ASXL2: variants seen among roughly 807,000 people sequenced by gnomAD.
ASXL2 encodes putative Polycomb group protein ASXL2.
A neutral mutation model predicts 122.0 loss-of-function variants in ASXL2; 23 were observed. The observed-to-expected ratio is 0.19, with a 90% CI of 0.14 to 0.27. The LOEUF (loss-of-function observed/expected upper bound fraction) is 0.27, where lower values mean the gene tolerates loss of function less well. Among genes scored for constraint, ASXL2 ranks in the 10% least tolerant of loss-of-function variants. ASXL2 has a pLI of 1.00. For missense variants in ASXL2, 1,518 were observed against 1,713.8 expected (o/e 0.89, Z 2.02); for synonymous variants, 650 against 637.0 (o/e 1.02, Z -0.31).
intron 2 of ASXL2, among the ~76,000 whole-genome samples, chr2:25,837,690 A>C (rs1330534343): frequency 6.6e-6 from 1 of 152,062 alleles, no homozygotes; most frequent in Non-Finnish European, 1.5e-5. Context: ...TCTCTACAAA[A>C]AATTTAAAAA....
chr2:25,862,666 C>G (rs376333307), intron 1 of ASXL2, among the ~76,000 whole-genome samples: 1 of 152,270 alleles, frequency 6.6e-6, no homozygotes, highest in East Asian at 1.9e-4. Context: ...GTGGCATGAT[C>G]TCAGCTCACT....
chr2:25,776,708 G>A lies in ASXL2; in HGVS notation c.404-5168C>T, dbSNP rs965756207. 1.8e-4 allele frequency among the ~76,000 whole-genome samples: 28 copies of A among 152,168 alleles called. 1 individual carries two copies. The highest frequency in any genetic ancestry group is 3.7e-4 in the Non-Finnish European group (25 of 68,024). On this transcript the variant is annotated intron_variant, in intron 5 of 12. Coordinates refer to ENST00000435504, the MANE Select transcript of ASXL2 (RefSeq NM_018263.6). Reference sequence around the variant, plus strand: ...GGCCAATGTTTTTAAAGAGACAAAAGTAAAAGTTAAAACTATTAATATTTT... The same window carrying A: ...GGCCAATGTTTTTAAAGAGACAAAAATAAAAGTTAAAACTATTAATATTTT...
chr2:25,759,457 A>T (rs994935084), intron 9 of ASXL2, 25 bp downstream of exon 9: 2 of 1,598,150 alleles, frequency 1.3e-6, no homozygotes, highest in African/African-American at 2.7e-5. Context: ...CTATTTTTAA[A>T]ATCTTAAGGA....
At chr2:25,757,630 G>A (rs1220491152) in intron 9 of ASXL2, among the ~76,000 whole-genome samples, 1 of 120,986 alleles carries the variant, frequency 8.3e-6, no homozygotes, top group Non-Finnish European at 1.6e-5. Flanking sequence ...AGCCGAGATC[G>A]AGCCAATGCA....
At chr2:25,745,925 C>G (rs1267331018) in intron 12 of ASXL2, among the ~76,000 whole-genome samples, 2 of 152,006 alleles carry the variant, frequency 1.3e-5, no homozygotes, top group African/African-American at 4.8e-5. Context: ...GGATTACAGG[C>G]GTGAGCCACC....
chr2:25,781,113 C>T (rs2088629161), intron 5 of ASXL2, among the ~76,000 whole-genome samples: 1 of 150,236 alleles, frequency 6.7e-6, no homozygotes, highest in African/African-American at 2.4e-5. Context: ...TCCTGTAGTA[C>T]TTGGTTTCAT....
chr2:25,761,545 C>T (rs573330860), intron 8 of ASXL2, among the ~76,000 whole-genome samples: 65 of 151,694 alleles, frequency 4.3e-4, no homozygotes, highest in Non-Finnish European at 7.2e-4. Flanking sequence ...TGGTGGTGCG[C>T]GCCTGTAATC....
At chr2:25,848,814 G>A (rs2089681491) in intron 1 of ASXL2, among the ~76,000 whole-genome samples, 2 of 151,632 alleles carry the variant, frequency 1.3e-5, no homozygotes, top group South Asian at 2.1e-4. Context: ...GGGAGGCCAA[G>A]GCATGCAGAT....
Position 25,737,397 on chromosome 2 carries a change from C to G in ASXL2, c.*4632G>C, listed in dbSNP as rs2087754298. ...AACAATGGGCACATTAATAAAGAGG[C>G]TGCACCGCATTTCTTCACTTTTCCA... On this transcript the variant is annotated 3_prime_UTR_variant, in exon 13 of 13. Transcript: ENST00000435504. The G allele has an allele frequency of 6.6e-6, 1 of 151,938 alleles. No homozygotes were observed. Among genetic ancestry groups the G allele is most frequent in the South Asian group, 2.1e-4 (1 of 4,812 alleles). 9.4% of individuals were successfully genotyped at this position (151,938 alleles called of 1,614,324 possible).
At chr2:25,852,648 T>C (rs960899626) in intron 1 of ASXL2, among the ~76,000 whole-genome samples, 16 of 152,166 alleles carry the variant, frequency 1.1e-4, no homozygotes, top group Non-Finnish European at 2.2e-4. Context: ...GCTTCTGCTA[T>C]AGAACAATAT....
Position 25,767,721 on chromosome 2 carries a change from A to G in ASXL2, c.637T>C (p.Trp213Arg), listed in dbSNP as rs754208910. 9.3e-6 allele frequency: 15 copies of G among 1,613,846 alleles called. No individual in the cohort carries two copies. Among genetic ancestry groups the G allele is most frequent in the Non-Finnish European group, 1.3e-5 (15 of 1,179,808 alleles). ...SDSVPAKPAT[W>R]EGKQSDGQTG... ...TGTCCATCAGATTGCTTTCCTTCCC[A>G]TGTTGCTAGGAGAAAAAAATACGTA... The change falls in exon 8 of 13, where the codon TGG (tryptophan) becomes CGG (arginine). Residue 213 changes from tryptophan (W) to arginine (R), a missense_variant. This residue lies in a region of ASXL2 where 198 missense variants were observed against 209.0 expected (regional missense o/e 0.95). Transcript: ENST00000435504.
chr2:25,748,503 T>TA (rs56694749), intron 12 of ASXL2, among the ~76,000 whole-genome samples: 3,542 of 146,484 alleles, frequency 0.024, 55 homozygotes, highest in East Asian at 0.03. Context: ...GAGACTCCGT[T>TA]AAAAAAAAAA....
intron 3 of ASXL2, among the ~76,000 whole-genome samples, chr2:25,810,944 C>A (rs1308229064): frequency 1.3e-5 from 2 of 151,980 alleles, no homozygotes; most frequent in Non-Finnish European, 2.9e-5. Context: ...ACAGTATAAT[C>A]TTCTGGGCAC....
chr2:25,798,886 A>G (rs2088951149), intron 5 of ASXL2, among the ~76,000 whole-genome samples: 1 of 152,220 alleles, frequency 6.6e-6, no homozygotes, highest in African/African-American at 2.4e-5. Flanking sequence ...ACACATCGTT[A>G]TACATTTGTT....
Position 25,799,433 on chromosome 2 carries a change from C to CACTGCT in ASXL2, c.349_354dup (p.Ser117_Ser118dup), listed in dbSNP as rs1559514491. On this transcript the variant is annotated inframe_insertion, in exon 5 of 13. Transcript: ENST00000435504. ...TTTCCCTCCTTGTTGCTGCCACCAT[C>CACTGCT]ACTGCTGCTGCTGCTGTTCTCAGAA... 1 of 1,613,980 alleles carries CACTGCT rather than the reference C, an allele frequency of 6.2e-7. No homozygotes were observed. The highest frequency in any genetic ancestry group is 2.2e-5 in the East Asian group (1 of 44,884).
chr2:25,771,724 A>T (rs961115398), intron 5 of ASXL2, among the ~76,000 whole-genome samples, 184 bp from the exon 6 acceptor site: 7 of 152,304 alleles, frequency 4.6e-5, no homozygotes, highest in Admixed American at 3.9e-4. Context: ...AGAAAGTTCT[A>T]ATGAAGGATG....
chr2:25,859,471 A>C (rs1215881412), intron 1 of ASXL2, among the ~76,000 whole-genome samples: 1 of 152,236 alleles, frequency 6.6e-6, no homozygotes, highest in East Asian at 1.9e-4. Flanking sequence ...TATACCTTAA[A>C]TAAAGCAACG....
intron 1 of ASXL2, among the ~76,000 whole-genome samples, chr2:25,866,934 CTT>C (rs1377227359): frequency 4.7e-5 from 7 of 150,402 alleles, no homozygotes; most frequent in African/African-American, 1.5e-4. Flanking sequence ...GTGTTTTGCT[CTT>C]GTTGCCCAGG....
At position 25,834,085 on chromosome 2, in the gene ASXL2, G is replaced by A. The variant is rs750567043; in HGVS notation, c.143+1453C>T. Among the ~76,000 whole-genome samples the A allele has an allele frequency of 1.4e-4, 21 of 152,152 alleles. 1 individual carries two copies. The highest frequency in any genetic ancestry group is 3.1e-4 in the Non-Finnish European group (21 of 68,020). ...ACCCAATCAATGACCAGGCGCAGTG[G>A]CTCACGCTTGTAATCCCAGCACTTT... On this transcript the variant is annotated intron_variant, in intron 3 of 12. Transcript: ENST00000435504.
Sources: gnomAD v4.1 joint callset for allele counts (sites outside exome capture counted in the v4.1 genomes callset) on GRCh38, gnomAD v4.1.1 for gene constraint, gnomAD v4.1.1 regional missense constraint, MANE v1.5 for transcripts, NCBI Gene and HGNC (gene_info 2026-07-23, HGNC 2026-07-21) for gene names.